Variants in ACSS2 observed in about 807,000 individuals in gnomAD.
The protein encoded by ACSS2 is acetyl-coenzyme A synthetase, cytoplasmic.
ACSS2 carries 58 observed loss-of-function variants against 90.6 expected under a neutral mutation model. The ratio of observed to expected loss-of-function variants is 0.64; its 90% CI spans 0.52 to 0.80. ACSS2 has a LOEUF of 0.80. ACSS2 is among the 30% of genes least tolerant of loss of function. ACSS2 has a pLI of 0.00. For missense variants in ACSS2, 759 were observed against 912.0 expected (o/e 0.83, Z 2.16); for synonymous variants, 300 against 330.9 (o/e 0.91, Z 1.01).
chr20:34,926,567 T>C (rs1220403785), intron 16 of ACSS2, among the ~76,000 whole-genome samples: 1 of 152,204 alleles, frequency 6.6e-6, no homozygotes, highest in Non-Finnish European at 1.5e-5. Flanking sequence ...ACAGATCTTA[T>C]TGTTACCTTC....
intron 1 of ACSS2, among the ~76,000 whole-genome samples, chr20:34,877,225 G>A (rs763653064): frequency 6.6e-6 from 1 of 152,070 alleles, no homozygotes; most frequent in Non-Finnish European, 1.5e-5. Flanking sequence ...GGAGGGCCAC[G>A]AATAGAACTT....
intron 2 of ACSS2, among the ~76,000 whole-genome samples, chr20:34,898,412 C>T (rs1488451321): frequency 6.6e-6 from 1 of 152,144 alleles, no homozygotes; most frequent in Non-Finnish European, 1.5e-5. Context: ...AGTGCCAACA[C>T]AAAGGTTCTC....
At chr20:34,890,075 G>A (rs2080295561) in intron 2 of ACSS2, among the ~76,000 whole-genome samples, 4 of 152,188 alleles carry the variant, frequency 2.6e-5, no homozygotes, top group Non-Finnish European at 4.4e-5. Flanking sequence ...TAATTTTACA[G>A]TAATTTAATC....
At chr20:34,910,217 A>G (rs1400114420) in intron 2 of ACSS2, among the ~76,000 whole-genome samples, 1 of 152,188 alleles carries the variant, frequency 6.6e-6, no homozygotes, top group Non-Finnish European at 1.5e-5. Flanking sequence ...GTCTTATTAA[A>G]GATCATAATG....
At chr20:34,909,366 T>C (rs1216788180) in intron 2 of ACSS2, among the ~76,000 whole-genome samples, 2 of 152,032 alleles carry the variant, frequency 1.3e-5, no homozygotes, top group East Asian at 3.8e-4. Flanking sequence ...AGACCCTGTC[T>C]CAAAAACAAC....
At chr20:34,895,014 T>C (rs1200668297) in intron 2 of ACSS2, among the ~76,000 whole-genome samples, 2 of 152,174 alleles carry the variant, frequency 1.3e-5, no homozygotes, top group Non-Finnish European at 2.9e-5. Flanking sequence ...ACTTGTATTT[T>C]TGTAACCTCC....
chr20:34,926,636 C>T (rs902921854), intron 16 of ACSS2, among the ~76,000 whole-genome samples: 4 of 152,290 alleles, frequency 2.6e-5, no homozygotes, highest in African/African-American at 9.6e-5. Flanking sequence ...CAAGGCCACA[C>T]TGCTAGAAAG....
At chr20:34,899,162 C>G (rs1193810735) in intron 2 of ACSS2, among the ~76,000 whole-genome samples, 1 of 152,216 alleles carries the variant, frequency 6.6e-6, no homozygotes, top group African/African-American at 2.4e-5. Flanking sequence ...CGTGCGCAGC[C>G]CCGGTTCCCG....
chr20:34,910,509 G>T (rs1045466947), intron 2 of ACSS2, among the ~76,000 whole-genome samples: 1 of 152,148 alleles, frequency 6.6e-6, no homozygotes, highest in African/African-American at 2.4e-5. Context: ...AAAAAAATTA[G>T]CCAGGTGTGG....
chr20:34,879,356 C>A (rs183084113), intron 1 of ACSS2, among the ~76,000 whole-genome samples: 78 of 152,128 alleles, frequency 5.1e-4, no homozygotes, highest in African/African-American at 1.7e-3. Context: ...TGCCTTTGTT[C>A]ATTTCCTTCT....
chr20:34,898,798 C>G (rs1221538253), intron 2 of ACSS2, among the ~76,000 whole-genome samples: 2 of 152,148 alleles, frequency 1.3e-5, no homozygotes, highest in African/African-American at 4.8e-5. Flanking sequence ...GCGCCGTGTG[C>G]CTGCACTCCT....
rs1158926316 is a variant in ACSS2, at chr20:34,916,624, A to G, written c.834+2187A>G. ...ACCAAAGAGCATAAAAATAGGCTTAAAAAGTCCAGGTTGTTGGTCTGAGAA... is the reference window on the plus strand; with the variant it reads ...ACCAAAGAGCATAAAAATAGGCTTAGAAAGTCCAGGTTGTTGGTCTGAGAA... On this transcript the variant is annotated intron_variant, in intron 7 of 17. Transcript: ENST00000360596. Among the ~76,000 whole-genome samples, 3 of 152,376 alleles carry G rather than the reference A, an allele frequency of 2.0e-5. No homozygotes were observed. The East Asian group carries it at 5.8e-4, about 29-fold the overall frequency.
intron 2 of ACSS2, among the ~76,000 whole-genome samples, chr20:34,888,589 TGAG>T (rs891516569): frequency 1.3e-5 from 2 of 152,158 alleles, no homozygotes; most frequent in African/African-American, 4.8e-5. Flanking sequence ...TAGTCCAGCT[TGAG>T]GAGACAGACA....
intron 5 of ACSS2, 42 bp from the exon 6 acceptor site, chr20:34,914,054 A>T (rs760805642): frequency 6.2e-7 from 1 of 1,606,274 alleles, no homozygotes; most frequent in Non-Finnish European, 8.5e-7. Flanking sequence ...ACTAGGCAGC[A>T]TGGGGCTTAC....
chr20:34,898,949 C>T (rs1033738665), intron 2 of ACSS2, among the ~76,000 whole-genome samples: 2 of 152,212 alleles, frequency 1.3e-5, no homozygotes, highest in African/African-American at 2.4e-5. Context: ...CCCTGCCCCG[C>T]GGGAAGGCAG....
chr20:34,917,312 A>G (rs1249325603), intron 7 of ACSS2, among the ~76,000 whole-genome samples: 2 of 152,232 alleles, frequency 1.3e-5, no homozygotes, highest in Non-Finnish European at 2.9e-5. Flanking sequence ...GTGACAATGT[A>G]TGTGTAGATG....
intron 2 of ACSS2, among the ~76,000 whole-genome samples, chr20:34,900,906 C>T (rs575164662): frequency 2.0e-5 from 3 of 152,250 alleles, no homozygotes; most frequent in African/African-American, 7.2e-5. Context: ...ACAATACCCC[C>T]CTTTTGGAGG....
chr20:34,921,308 C>G (rs751229345), intron 10 of ACSS2, 22 bp from the exon 11 acceptor site: 5 of 1,613,658 alleles, frequency 3.1e-6, no homozygotes, highest in African/African-American at 1.3e-5. Context: ...GAGCCTTCCT[C>G]TCTCCCATTC....
chr20:34,912,571 C>T (rs150123749), intron 2 of ACSS2: 2,180 of 164,118 alleles, frequency 0.013, 45 homozygotes, highest in African/African-American at 0.049. Context: ...GCGTGAGCCA[C>T]CGCGCCTGGC....
Sources: gnomAD v4.1 joint callset for allele counts (sites outside exome capture counted in the v4.1 genomes callset) on GRCh38, gnomAD v4.1.1 for gene constraint, MANE v1.5 for transcripts, NCBI Gene and HGNC (gene_info 2026-07-23, HGNC 2026-07-21) for gene names.